MIR2052HG: variants seen among roughly 807,000 people sequenced by gnomAD.
The protein encoded by MIR2052HG is MIR2052 host gene.
intron 2 of MIR2052HG, among the ~76,000 whole-genome samples, chr8:74,665,421 C>T (rs1022926032): frequency 6.6e-6 from 1 of 152,138 alleles, no homozygotes; most frequent in African/African-American, 2.4e-5. Context: ...TAGCCCTTTG[C>T]AAATCATAAC....
At chr8:74,639,607 A>G (rs561387413) in intron 2 of MIR2052HG, among the ~76,000 whole-genome samples, 1 of 152,232 alleles carries the variant, frequency 6.6e-6, no homozygotes, top group African/African-American at 2.4e-5. Context: ...ATTTCTGTAA[A>G]TTGTTTTATC....
chr8:74,665,039 T>G (rs906620703), intron 2 of MIR2052HG, among the ~76,000 whole-genome samples: 1 of 152,228 alleles, frequency 6.6e-6, no homozygotes, highest in African/African-American at 2.4e-5. Flanking sequence ...TTTGAATTGC[T>G]TCTCTTCTGT....
chr8:74,657,464 AT>A (rs1399589414), intron 2 of MIR2052HG, among the ~76,000 whole-genome samples: 1 of 152,136 alleles, frequency 6.6e-6, no homozygotes, highest in African/African-American at 2.4e-5. Flanking sequence ...GACTGGCAGC[AT>A]CAGCACTGCC....
chr8:74,601,235 T>C (rs1203105435), intron 1 of MIR2052HG, among the ~76,000 whole-genome samples: 1 of 152,246 alleles, frequency 6.6e-6, no homozygotes, highest in Admixed American at 6.5e-5. Flanking sequence ...ACCATTTGTC[T>C]GTAATCATTC....
chr8:74,690,853 A>G (rs1268782065), intron 2 of MIR2052HG, among the ~76,000 whole-genome samples: 1 of 152,010 alleles, frequency 6.6e-6, no homozygotes, highest in Non-Finnish European at 1.5e-5. Context: ...GAGGTGTAAG[A>G]GACAACCAGA....
At chr8:74,676,770 T>C (rs1487463134) in intron 2 of MIR2052HG, among the ~76,000 whole-genome samples, 4 of 151,968 alleles carry the variant, frequency 2.6e-5, no homozygotes, top group African/African-American at 9.7e-5. Context: ...TGCTTGAAAT[T>C]TGCTAAAAGA....
intron 4 of MIR2052HG, among the ~76,000 whole-genome samples, chr8:74,739,710 G>A (rs1809806475): frequency 6.6e-6 from 1 of 152,202 alleles, no homozygotes; most frequent in South Asian, 2.1e-4. Context: ...CTTGTGGGAT[G>A]TGGTTCAAAA....
chr8:74,732,818 T>A (rs1036747157), intron 4 of MIR2052HG, among the ~76,000 whole-genome samples: 2 of 152,052 alleles, frequency 1.3e-5, no homozygotes, highest in Non-Finnish European at 2.9e-5. Flanking sequence ...CATTCAAGGA[T>A]ACCTAAGAAA....
In MIR2052HG at chr8:74,704,298, C is replaced by T. The variant is rs1056299623; in HGVS notation, n.371+616C>T. ...TGTGATCAATGCTTGGTTGTTCCTT[C>T]GGGACAGTGCATCTTGAGGAAGTGA... On this transcript the variant is annotated intron_variant and non_coding_transcript_variant, in intron 4 of 6. Transcript: ENST00000523442. Among the ~76,000 whole-genome samples, 39 of 151,920 alleles carry T rather than the reference C, an allele frequency of 2.6e-4. 1 individual carries two copies. The highest frequency in any genetic ancestry group is 7.0e-4 in the African/African-American group (29 of 41,380).
chr8:74,746,737 G>T (rs1809891724), intron 4 of MIR2052HG, among the ~76,000 whole-genome samples: 1 of 151,938 alleles, frequency 6.6e-6, no homozygotes, highest in Non-Finnish European at 1.5e-5. Flanking sequence ...TAGGATCAAG[G>T]CTGTGAAGAC....
intron 2 of MIR2052HG, among the ~76,000 whole-genome samples, chr8:74,686,656 T>C (rs1259588744): frequency 6.6e-6 from 1 of 152,086 alleles, no homozygotes; most frequent in Non-Finnish European, 1.5e-5. Flanking sequence ...TAGTGCCCTA[T>C]GTCATCAAGC....
At chr8:74,676,588 C>G (rs763453861) in intron 2 of MIR2052HG, among the ~76,000 whole-genome samples, 19 of 151,590 alleles carry the variant, frequency 1.3e-4, no homozygotes, top group Non-Finnish European at 2.5e-4. Flanking sequence ...AAAAATGTGG[C>G]AAGGTGTACA....
intron 2 of MIR2052HG, among the ~76,000 whole-genome samples, chr8:74,626,797 G>T (rs1412616662): frequency 1.3e-5 from 2 of 152,142 alleles, no homozygotes; most frequent in African/African-American, 4.8e-5. Flanking sequence ...AACTCTGCAT[G>T]CTCCTCCATT....
intron 2 of MIR2052HG, among the ~76,000 whole-genome samples, chr8:74,630,131 G>T (rs765146923): frequency 1.3e-5 from 2 of 152,192 alleles, no homozygotes; most frequent in African/African-American, 4.8e-5. Flanking sequence ...AAGTGAAAAT[G>T]TGCTGGTTGT....
chr8:74,708,308 C>T (rs1809431283), intron 4 of MIR2052HG, among the ~76,000 whole-genome samples: 1 of 152,122 alleles, frequency 6.6e-6, no homozygotes, highest in Non-Finnish European at 1.5e-5. Flanking sequence ...CACAAGGAAG[C>T]ATTTTGTTCC....
At chr8:74,686,707 G>A (rs1007406124) in intron 2 of MIR2052HG, among the ~76,000 whole-genome samples, 8 of 151,992 alleles carry the variant, frequency 5.3e-5, no homozygotes, top group African/African-American at 1.4e-4. Flanking sequence ...ATATTGCTTC[G>A]AGAGTCCATA....
chr8:74,736,054 A>T (rs987960226), intron 4 of MIR2052HG, among the ~76,000 whole-genome samples: 1 of 152,216 alleles, frequency 6.6e-6, no homozygotes, highest in Non-Finnish European at 1.5e-5. Flanking sequence ...GACAGAAGTT[A>T]TGAAAAATGT....
At chr8:74,680,311 T>C (rs1193421343) in intron 2 of MIR2052HG, among the ~76,000 whole-genome samples, 2 of 151,936 alleles carry the variant, frequency 1.3e-5, no homozygotes, top group African/African-American at 4.8e-5. Flanking sequence ...AGAAATAAAA[T>C]CATGTTCATT....
chr8:74,624,080 G>T (rs1348702417), intron 2 of MIR2052HG, among the ~76,000 whole-genome samples: 1 of 152,152 alleles, frequency 6.6e-6, no homozygotes, highest in Non-Finnish European at 1.5e-5. Flanking sequence ...TAATATTTTA[G>T]TTTTACCAAG....
Sources: allele counts gnomAD v4.1 joint callset (sites outside exome capture counted in the v4.1 genomes callset), GRCh38; gene constraint gnomAD v4.1.1; transcripts MANE v1.5; gene names NCBI Gene and HGNC (gene_info 2026-07-23, HGNC 2026-07-21).